Variants in MGAM observed in about 807,000 individuals in gnomAD.
MGAM encodes the protein alpha-1,4-glucosidase.
A neutral mutation model predicts 358.8 loss-of-function variants in MGAM; 253 were observed. The observed-to-expected ratio is 0.71, with a 90% CI of 0.64 to 0.78. The LOEUF (loss-of-function observed/expected upper bound fraction) is 0.78, where lower values mean the gene tolerates loss of function less well. Ranked by LOEUF, MGAM falls within the 30% of genes least tolerant of loss-of-function variation. The pLI, the probability that MGAM is intolerant of heterozygous loss-of-function variation, is 0.00. For synonymous variants in MGAM, 1,105 were observed against 1,227.1 expected (o/e 0.90, Z 2.08); for missense variants, 3,080 against 3,432.6 (o/e 0.90, Z 2.57).
At chr7:142,093,676 A>G in intron 60 of MGAM, 126 bp downstream of exon 60, 3 of 1,084,186 alleles carry the variant, frequency 2.8e-6, no homozygotes, top group East Asian at 5.4e-5. Flanking sequence ...ACAACTGTGT[A>G]ATGATTCTTA....
chr7:142,043,067 TATA>T (rs1479058868), intron 21 of MGAM, among the ~76,000 whole-genome samples: 4 of 72,956 alleles, frequency 5.5e-5, no homozygotes, highest in Non-Finnish European at 8.9e-5. Flanking sequence ...TATATATACA[TATA>T]ATATCTAAAT....
At position 142,105,883 on chromosome 7, in the gene MGAM, A is replaced by G; in HGVS notation, c.8254A>G (p.Thr2752Ala). The change falls in exon 71 of 71, where the codon ACT becomes GCT. Residue 2752 changes from threonine to alanine, a missense_variant. Thr to Ala is a moderately conservative substitution (Grantham distance 58). Transcript: ENST00000475668. ...TTTTACTTCATTGACGTGGATAAGC[A>G]CTCTGTGAATTTTTACAGCAAGATT... ...HNFTSLTWIS[T>A]L The G allele has an allele frequency of 1.2e-6, 2 of 1,609,168 alleles. No individual in the cohort carries two copies. The highest frequency in any genetic ancestry group is 2.2e-5 in the East Asian group (1 of 44,834).
chr7:142,044,344 A>G (rs1310973254), intron 21 of MGAM, among the ~76,000 whole-genome samples: 1 of 140,748 alleles, frequency 7.1e-6, no homozygotes, highest in Non-Finnish European at 1.5e-5. Context: ...TAATATATAT[A>G]TAATATACAC....
In MGAM at chr7:142,019,199, G is replaced by A. The variant is rs782768460; in HGVS notation, c.328G>A (p.Ala110Thr). 6.2e-7 allele frequency: 1 copy of A among 1,612,460 alleles called. No individual in the cohort carries two copies. The highest frequency in any genetic ancestry group is 8.5e-7 in the Non-Finnish European group (1 of 1,179,208). Residue 110 changes from alanine to threonine, a missense_variant and splice_region_variant, in exon 4 of 71, where the codon GCC becomes ACC. Physicochemically the swap from Ala to Thr is moderately conservative, Grantham distance 58. Transcript: ENST00000475668. ...TTCTTTGACTAACCTCTTGTTTCAG[G>A]CCACATGTGACCAACGTGGCTGTTG... ...NCIPDQPPTKATCDQRGCCWN... is the reference protein window; with the variant it reads ...NCIPDQPPTKTTCDQRGCCWN...
At chr7:142,005,303 A>G (rs1375883914) in intron 1 of MGAM, among the ~76,000 whole-genome samples, 1 of 152,150 alleles carries the variant, frequency 6.6e-6, no homozygotes, top group Non-Finnish European at 1.5e-5. Context: ...AAAAGACATG[A>G]GACCTGAGAT....
chr7:142,099,616 G>T lies in MGAM; in HGVS notation c.7753G>T (p.Val2585Leu), dbSNP rs775600653. The change falls in exon 67 of 71, where the codon GTG (valine) becomes TTG (leucine). Residue 2585 changes from valine (V) to leucine (L), a missense_variant. Coordinates refer to ENST00000475668, the MANE Select transcript of MGAM (RefSeq NM_001365693.1). ...RARWYDYYTG[V>L]DINARGEWKT... ...TCTTACCTTCTTCTGCCTCCAGGGT[G>T]TGGATATTAATGCAAGAGGAGAGTG... The T allele has an allele frequency of 3.2e-5, 51 of 1,613,786 alleles. No homozygotes were observed. The highest frequency in any genetic ancestry group is 3.6e-5 in the Non-Finnish European group (43 of 1,179,822).
chr7:142,027,157 T>C lies in MGAM; in HGVS notation c.1025T>C (p.Ile342Thr), dbSNP rs200058369. 1.2e-4 allele frequency: 194 copies of C among 1,613,778 alleles called. No homozygotes were observed. The African/African-American group carries it at 2.1e-3, about 17-fold the overall frequency. ...QPAPAITYRT[I>T]GGILDFYVFL... The stretch of plus-strand genomic sequence containing the variant: ...GCGCCAGCCATCACTTACCGCACCA[T>C]TGGGGGCATTCTCGACTTCTATGTG... The change falls in exon 9 of 71, where the codon ATT becomes ACT. Residue 342 changes from isoleucine (I) to threonine (T), a missense_variant. Around this residue, in one of 5 missense-constraint regions of MGAM, gnomAD observed 1,816 missense variants for 1,840.5 expected, o/e 0.99. Transcript: ENST00000475668.
Position 142,068,886 on chromosome 7 carries a change from TC to T in MGAM, c.5061+184del, listed in dbSNP as rs1375572020. 7.5e-5 allele frequency among the ~76,000 whole-genome samples: 11 copies of T among 146,416 alleles called. 1 individual carries two copies. The highest frequency in any genetic ancestry group is 2.7e-4 in the African/African-American group (11 of 41,136). ...TCCAAGTGGGGTAAGACCACTTTCC[TC>T]ATAGAACCATTGTGAAATAACACAT... On this transcript the variant is annotated intron_variant, in intron 43 of 70. Coordinates refer to ENST00000475668, the MANE Select transcript of MGAM (RefSeq NM_001365693.1).
At chr7:142,046,514 T>C (rs1246064563) in intron 21 of MGAM, among the ~76,000 whole-genome samples, 7 of 152,090 alleles carry the variant, frequency 4.6e-5, no homozygotes, top group Non-Finnish European at 8.8e-5. Context: ...AATCAGAGGT[T>C]CACATTCTCT....
chr7:142,076,116 G>C, intron 45 of MGAM, 87 bp from the exon 46 acceptor site: 1 of 1,033,596 alleles, frequency 9.7e-7, no homozygotes, highest in East Asian at 2.4e-5. Context: ...TGTGACATCA[G>C]GATGTAACTG....
At chr7:141,988,304 A>C (rs553467125) in intron 2 of MGAM, among the ~76,000 whole-genome samples, 18 of 152,086 alleles carry the variant, frequency 1.2e-4, no homozygotes, top group Non-Finnish European at 1.5e-5. Flanking sequence ...TTAAAAAAAA[A>C]CAAAAATATT....
chr7:142,090,785 C>T (rs537665177), intron 57 of MGAM, among the ~76,000 whole-genome samples: 1 of 146,464 alleles, frequency 6.8e-6, no homozygotes, highest in Admixed American at 6.9e-5. Flanking sequence ...CATAATGTTC[C>T]GTAACAAGCA....
rs368879552 is a variant in MGAM at position 142,021,631 on chromosome 7, G to C, written c.604G>C (p.Val202Leu). The C allele has an allele frequency of 6.2e-7, 1 of 1,613,768 alleles. No individual in the cohort carries two copies. Among genetic ancestry groups the C allele is most frequent in the African/African-American group, 1.3e-5 (1 of 74,914 alleles). Residue 202 changes from valine to leucine, a missense_variant, in exon 6 of 71, where the codon GTG becomes CTG. Physicochemically the swap from Val to Leu is conservative, Grantham distance 32. Transcript: ENST00000475668. ...NNRFEVPHEH[V>L]QSFSGNAAAS... The stretch of plus-strand genomic sequence containing the variant: ...CAGGTTTGAAGTGCCCCACGAACAC[G>C]TGCAGTCCTTCAGTGGAAATGCTGC...
intron 28 of MGAM, 29 bp from the exon 29 acceptor site, chr7:142,055,971 T>A (rs1345446438): frequency 6.3e-7 from 1 of 1,585,502 alleles, no homozygotes; most frequent in East Asian, 2.3e-5. Context: ...TCTTTTAAAC[T>A]CCTACTGCTT....
chr7:142,004,610 T>C (rs781934954), intron 1 of MGAM: 1 of 151,996 alleles, frequency 6.6e-6, no homozygotes, highest in Non-Finnish European at 1.5e-5. Flanking sequence ...ATTGGTACAC[T>C]AAAAGCCCAG....
At position 142,078,475 on chromosome 7, in the gene MGAM, C is replaced by A. The variant is rs1263875452; in HGVS notation, c.5646+5C>A. 11 of 1,539,768 alleles carry A rather than the reference C, an allele frequency of 7.1e-6. 3 individuals carry two copies. The highest frequency in any genetic ancestry group is 9.8e-6 in the Non-Finnish European group (11 of 1,123,928). On this transcript the variant is annotated splice_donor_5th_base_variant and intron_variant, in intron 48 of 70. Transcript: ENST00000475668. ...GCCCGTGGCTGTATCTGGGAGGTAA[C>A]CATGCTGATGGGGTTCATGTGCATG...
At chr7:142,041,907 A>AT (rs528976585) in intron 21 of MGAM, among the ~76,000 whole-genome samples, 274 of 19,036 alleles carry the variant, frequency 0.014, 12 homozygotes, top group Non-Finnish European at 0.019. Context: ...TATATATATT[A>AT]TATATATACG....
chr7:142,022,295 G>A lies in MGAM; in HGVS notation c.738G>A (p.Leu246=). 6.2e-7 allele frequency: 1 copy of A among 1,611,942 alleles called. No homozygotes were observed. The highest frequency in any genetic ancestry group is 8.5e-7 in the Non-Finnish European group (1 of 1,178,734). Reference sequence around the variant, plus strand: ...TTGACTCGAGCATTGGGCCCCTACTGTTTGCTGACCAGTTCTTGCAGCTCT... The same window carrying A: ...TTGACTCGAGCATTGGGCCCCTACTATTTGCTGACCAGTTCTTGCAGCTCT... ...VLFDSSIGPL[L]FADQFLQLST... is the part of the protein sequence containing the mutation. The change falls in exon 7 of 71, where the codon CTG becomes CTA. Residue 246 remains leucine, a synonymous_variant. Coordinates refer to ENST00000475668, the MANE Select transcript of MGAM (RefSeq NM_001365693.1).
At chr7:142,029,510 T>C (rs1395756317) in intron 10 of MGAM, among the ~76,000 whole-genome samples, 3 of 152,236 alleles carry the variant, frequency 2.0e-5, no homozygotes, top group Non-Finnish European at 4.4e-5. Context: ...ACATTTCCTT[T>C]TTAAGTGATC....
Sources: allele counts gnomAD v4.1 joint callset (sites outside exome capture counted in the v4.1 genomes callset), GRCh38; gene constraint gnomAD v4.1.1; regional missense constraint gnomAD v4.1.1; transcripts MANE v1.5; gene names NCBI Gene and HGNC (gene_info 2026-07-23, HGNC 2026-07-21).